The following LMNA variants were observed in gnomAD, a reference collection of about 807,000 sequenced individuals.
LMNA encodes lamin A/C, also known as lamin.
A neutral mutation model predicts 70.4 loss-of-function variants in LMNA; 20 were observed. The observed-to-expected ratio is 0.28, with a 90% CI of 0.20 to 0.41. LMNA has a LOEUF of 0.41. Ranked by LOEUF, LMNA falls within the 10% of genes least tolerant of loss-of-function variation. The probability of loss-of-function intolerance (pLI) is 1.00; values close to 1 mark genes in which losing one functional copy is unlikely to be tolerated. For synonymous variants in LMNA, 339 were observed against 372.8 expected (o/e 0.91, Z 1.04); for missense variants, 652 against 917.2 (o/e 0.71, Z 3.73).
intron 1 of LMNA, among the ~76,000 whole-genome samples, chr1:156,118,193 G>A (rs768375556): frequency 5.3e-5 from 8 of 152,098 alleles, no homozygotes; most frequent in Non-Finnish European, 1.2e-4. Flanking sequence ...AGCAAGGAAG[G>A]GGAGACCCAG....
At position 156,135,391 on chromosome 1, in the gene LMNA, G is replaced by A. The variant is rs1651479850; in HGVS notation, c.936+79G>A. ...AGGCTGGAAGCCCAGGGTTGGGGGT[G>A]GGGGTGGGGGTGGGAGGTTCCTGAG... On this transcript the variant is annotated intron_variant, in intron 5 of 11. Coordinates refer to ENST00000368300, the MANE Select transcript of LMNA (RefSeq NM_170707.4). The surrounding 1 kb of genome is among the most constrained non-coding windows in gnomAD (Gnocchi z 4.8). 1.4e-6 allele frequency: 2 copies of A among 1,462,822 alleles called. No homozygotes were observed. Among genetic ancestry groups the A allele is most frequent in the Admixed American group, 3.9e-5 (2 of 50,768 alleles). The allele number at this position is 1,462,822 out of a possible 1,614,324, so 90.6% of individuals were successfully genotyped here.
intron 2 of LMNA, among the ~76,000 whole-genome samples, chr1:156,132,451 C>T (rs1245018714): frequency 1.3e-5 from 2 of 152,026 alleles, no homozygotes; most frequent in Non-Finnish European, 2.9e-5. Flanking sequence ...GCCTAGGCAA[C>T]AGAGCGAGAC....
chr1:156,126,201 G>C, intron 1 of LMNA: 2 of 1,526,682 alleles, frequency 1.3e-6, no homozygotes, highest in Non-Finnish European at 1.8e-6. Context: ...GTGCTGCCTG[G>C]CAATGGGGAA....
At chr1:156,095,386 A>T (rs890239474) in intron 3 of LMNA, among the ~76,000 whole-genome samples, 1 of 151,834 alleles carries the variant, frequency 6.6e-6, no homozygotes, top group Non-Finnish European at 1.5e-5. Context: ...AAAGGAATAA[A>T]ATGACCATGT....
At chr1:156,096,524 C>T (rs1323098470) in intron 3 of LMNA, among the ~76,000 whole-genome samples, 1 of 152,272 alleles carries the variant, frequency 6.6e-6, no homozygotes, top group Non-Finnish European at 1.5e-5. Flanking sequence ...TCAGGCAGGC[C>T]TGCCACACAA....
intron 1 of LMNA, among the ~76,000 whole-genome samples, chr1:156,125,158 C>T (rs531097643): frequency 6.6e-6 from 1 of 152,298 alleles, no homozygotes; most frequent in Admixed American, 6.5e-5. Flanking sequence ...AGAAAAAGCC[C>T]CACGACCCAA....
At position 156,086,322 on chromosome 1, in the gene LMNA, G is replaced by T. The variant is rs565383810; in HGVS notation, c.-319+3138G>T. ...CTAGGTCTAGACTCGCTGAAATAAG[G>T]TCATTCTAAACAAACAGCAAATAAT... On this transcript the variant is annotated intron_variant, in intron 2 of 12. Coordinates refer to the LMNA transcript ENST00000368301. Among the ~76,000 whole-genome samples, 7 of 151,976 alleles carry T rather than the reference G, an allele frequency of 4.6e-5. No individual in the cohort carries two copies. In the East Asian group the frequency reaches 1.2e-3, roughly 25 times the overall value.
rs764350443 is a variant in LMNA at position 156,136,188 on chromosome 1, C to T, written c.1158-26C>T. On this transcript the variant is annotated intron_variant, in intron 6 of 11. Coordinates refer to ENST00000368300, the MANE Select transcript of LMNA (RefSeq NM_170707.4). This position sits in a 1 kb window ranked among gnomAD's most constrained non-coding sequence, Gnocchi z 6.1. ...TGGCCGGCAACTGGCCTTGACTAGA[C>T]CCCCACTTGGTCTCCCTCTCCCCAG... The T allele has an allele frequency of 4.3e-6, 7 of 1,612,340 alleles. No individual in the cohort carries two copies. In the South Asian group the frequency reaches 7.7e-5, roughly 18 times the overall value.
rs770727928 is a variant in LMNA, at chr1:156,136,256, C to T, written c.1200C>T (p.Gly400=). 2 of 1,611,830 alleles carry T rather than the reference C, an allele frequency of 1.2e-6. No homozygotes were observed. The highest frequency in any genetic ancestry group is 1.7e-6 in the Non-Finnish European group (2 of 1,180,040). The change falls in exon 7 of 12, where the codon GGC becomes GGT. Residue 400 remains glycine (G), a synonymous_variant. Coordinates refer to ENST00000368300, the MANE Select transcript of LMNA (RefSeq NM_170707.4). The surrounding 1 kb of genome is among the most constrained non-coding windows in gnomAD (Gnocchi z 6.1). ...GCCCTACCTCGCAGCGCAGCCGTGG[C>T]CGTGCTTCCTCTCACTCATCCCAGA... is the stretch of plus-strand genomic sequence containing the variant. ...SPSPTSQRSR[G]RASSHSSQTQ...
chr1:156,129,922 T>C, intron 1 of LMNA: 1 of 757,644 alleles, frequency 1.3e-6, no homozygotes, highest in South Asian at 1.4e-5. Flanking sequence ...GGGCTCAGCC[T>C]TCTCCCAGGG....
At chr1:156,096,100 T>G (rs1345262628) in intron 3 of LMNA, among the ~76,000 whole-genome samples, 1 of 152,232 alleles carries the variant, frequency 6.6e-6, no homozygotes, top group Non-Finnish European at 1.5e-5. Flanking sequence ...ACATGCCTCC[T>G]TTCCCTCTGA....
At chr1:156,096,162 G>A (rs911575516) in intron 3 of LMNA, among the ~76,000 whole-genome samples, 2 of 151,846 alleles carry the variant, frequency 1.3e-5, no homozygotes, top group African/African-American at 4.8e-5. Context: ...TTCCTTTTTG[G>A]CCTTCTTTGC....
chr1:156,135,262 C>T lies in LMNA; in HGVS notation c.886C>T (p.Arg296Cys), dbSNP rs375987939. 1.4e-5 allele frequency: 22 copies of T among 1,613,496 alleles called. No individual in the cohort carries two copies. The highest frequency in any genetic ancestry group is 2.2e-5 in the East Asian group (1 of 44,900). The change falls in exon 5 of 12, where the codon CGC (arginine) becomes TGC (cysteine). Residue 296 changes from arginine to cysteine, a missense_variant. Transcript: ENST00000368300. This position sits in a 1 kb window ranked among gnomAD's most constrained non-coding sequence, Gnocchi z 4.8. ...TGCCCACGAGGAGCTGCAGCAGTCG[C>T]GCATCCGCATCGACAGCCTCTCTGC... Reference protein sequence around the residue: ...GAAHEELQQSRIRIDSLSAQL... With the variant: ...GAAHEELQQSCIRIDSLSAQL...
At chr1:156,127,713 G>T (rs1225910436) in intron 1 of LMNA, among the ~76,000 whole-genome samples, 1 of 145,920 alleles carries the variant, frequency 6.9e-6, no homozygotes, top group African/African-American at 2.5e-5. Flanking sequence ...TTGAGATAGA[G>T]TCTCACTCTG....
Position 156,126,154 on chromosome 1 carries a change from G to A in LMNA, c.357-4463G>A, listed in dbSNP as rs781213600. On this transcript the variant is annotated intron_variant, in intron 1 of 11. Transcript: ENST00000368300. ...TCCTGGGAGACAGGAAATGCCCAGG[G>A]GCTGGGAGACCCTCTGCTCTTCTGC... is the stretch of plus-strand genomic sequence containing the variant. 2.2e-5 allele frequency: 33 copies of A among 1,516,588 alleles called. 3 individuals are homozygous for A. The South Asian group carries it at 4.0e-4, about 18-fold the overall frequency. The allele number at this position is 1,516,588 out of a possible 1,614,324, so 93.9% of individuals were successfully genotyped here.
Position 156,138,747 on chromosome 1 carries a change from C to T in LMNA, c.1958C>T (p.Pro653Leu). The T allele has an allele frequency of 6.2e-7, 1 of 1,613,436 alleles. No homozygotes were observed. Among genetic ancestry groups the T allele is most frequent in the Non-Finnish European group, 8.5e-7 (1 of 1,180,016 alleles). The change falls in exon 11 of 12, where the codon CCC becomes CTC. Residue 653 changes from proline (P) to leucine (L), a missense_variant. Physicochemically the swap from Pro to Leu is moderately conservative, Grantham distance 98. Coordinates refer to ENST00000368300, the MANE Select transcript of LMNA (RefSeq NM_170707.4). The surrounding 1 kb of genome is among the most constrained non-coding windows in gnomAD (Gnocchi z 5.5). Reference protein sequence around the residue: ...TRSYLLGNSSPRTQSPQNCSI... With the variant: ...TRSYLLGNSSLRTQSPQNCSI... ...TCCTACCTCCTGGGCAACTCCAGCC[C>T]CCGAACCCAGGTGAGTTGTCTCTGC...
At chr1:156,129,969 T>C in intron 1 of LMNA, 1 of 721,148 alleles carries the variant, frequency 1.4e-6, no homozygotes, top group Non-Finnish European at 2.6e-6. Context: ...CAGGGACCCC[T>C]CTGTTCAGTG....
chr1:156,087,018 G>A (rs1648505231), intron 2 of LMNA, among the ~76,000 whole-genome samples: 4 of 152,130 alleles, frequency 2.6e-5, no homozygotes, highest in Admixed American at 2.6e-4. Flanking sequence ...ACCAAGGGAT[G>A]GGGGTGCACA....
At chr1:156,130,579 C>T (rs1380240440) in intron 1 of LMNA, 38 bp from the exon 2 acceptor site, 8 of 1,610,918 alleles carry the variant, frequency 5.0e-6, no homozygotes, top group Non-Finnish European at 5.1e-6. Context: ...GGCACACAGA[C>T]TCCTTCTCTT....
Sources: gnomAD v4.1 joint callset for allele counts (sites outside exome capture counted in the v4.1 genomes callset) on GRCh38, gnomAD v4.1.1 for gene constraint, Gnocchi (gnomAD v3.1) non-coding constraint, MANE v1.5 for transcripts, NCBI Gene and HGNC (gene_info 2026-07-23, HGNC 2026-07-21) for gene names.